SMOC1: variants seen among roughly 807,000 people sequenced by gnomAD.
SMOC1 encodes the protein SPARC-related modular calcium-binding protein 1.
In SMOC1, 22 loss-of-function variants were observed where a neutral mutation model predicts 56.3. That is an observed-to-expected ratio of 0.39 (90% confidence interval 0.28 to 0.56). The LOEUF (loss-of-function observed/expected upper bound fraction) is 0.56. Ranked by LOEUF, SMOC1 falls within the 20% of genes least tolerant of loss-of-function variation. The pLI is 0.61. For missense variants in SMOC1, 509 were observed against 565.4 expected, an observed-to-expected ratio of 0.90 and a Z score of 1.01; for synonymous variants, 193 against 215.0, an observed-to-expected ratio of 0.90 and a Z score of 0.89.
intron 3 of SMOC1, among the ~76,000 whole-genome samples, chr14:69,972,525 G>C (rs1445188755): frequency 6.6e-6 from 1 of 152,174 alleles, no homozygotes; most frequent in Non-Finnish European, 1.5e-5. Context: ...ATAGGACTTG[G>C]AAGGAGCTCC....
chr14:69,947,426 T>G (rs1882825936), intron 1 of SMOC1, among the ~76,000 whole-genome samples: 1 of 152,160 alleles, frequency 6.6e-6, no homozygotes, highest in Admixed American at 6.5e-5. Flanking sequence ...CTTCTTGACC[T>G]CCCAAAGTGC....
intron 3 of SMOC1, among the ~76,000 whole-genome samples, chr14:69,971,854 GT>G: frequency 6.6e-6 from 1 of 152,182 alleles, no homozygotes; most frequent in East Asian, 1.9e-4. Context: ...CTTTGCAAAC[GT>G]TTTGCTGACT....
intron 11 of SMOC1, among the ~76,000 whole-genome samples, chr14:70,029,870 C>A (rs1886074394): frequency 6.6e-6 from 1 of 152,186 alleles, no homozygotes; most frequent in South Asian, 2.1e-4. Context: ...TGTAAACAAA[C>A]CCCTGTCGTT....
At chr14:70,004,362 G>A (rs1349382760) in intron 7 of SMOC1, among the ~76,000 whole-genome samples, 2 of 152,254 alleles carry the variant, frequency 1.3e-5, no homozygotes, top group Non-Finnish European at 2.9e-5. Context: ...AGATATTGGT[G>A]TGAAGGTATT....
chr14:69,986,731 C>T (rs1884378727), intron 5 of SMOC1, among the ~76,000 whole-genome samples: 1 of 152,218 alleles, frequency 6.6e-6, no homozygotes, highest in African/African-American at 2.4e-5. Flanking sequence ...GCCTTTTCCC[C>T]AGCCTTCTGT....
chr14:69,983,458 GGA>G (rs1884252943), intron 5 of SMOC1, among the ~76,000 whole-genome samples: 1 of 152,162 alleles, frequency 6.6e-6, no homozygotes, highest in South Asian at 2.1e-4. Context: ...CTTTTATGAT[GGA>G]GGTTATTCAT....
chr14:70,004,695 T>C (rs550596734), intron 7 of SMOC1, among the ~76,000 whole-genome samples: 3 of 152,300 alleles, frequency 2.0e-5, no homozygotes, highest in Non-Finnish European at 4.4e-5. Flanking sequence ...TCACTCTCTC[T>C]CTCTCTCTTT....
At chr14:69,976,480 C>A (rs962115181) in intron 4 of SMOC1, among the ~76,000 whole-genome samples, 1 of 152,182 alleles carries the variant, frequency 6.6e-6, no homozygotes, top group Non-Finnish European at 1.5e-5. Context: ...GACAAGTTAG[C>A]AAACTATTGC....
chr14:69,908,515 C>T (rs755279412), intron 1 of SMOC1, among the ~76,000 whole-genome samples: 2 of 152,022 alleles, frequency 1.3e-5, no homozygotes, highest in South Asian at 2.1e-4. Context: ...AGTGGGAACA[C>T]GGACAGACTC....
At chr14:69,946,033 C>T (rs1428364391) in intron 1 of SMOC1, among the ~76,000 whole-genome samples, 1 of 152,194 alleles carries the variant, frequency 6.6e-6, no homozygotes, top group Non-Finnish European at 1.5e-5. Context: ...AACATCTCCT[C>T]CCAGATGGAA....
chr14:69,895,859 CT>C (rs1457479935), intron 1 of SMOC1, among the ~76,000 whole-genome samples: 3 of 118,274 alleles, frequency 2.5e-5, no homozygotes, highest in East Asian at 3.3e-4. Flanking sequence ...CCTTCCTTCT[CT>C]TTTTTTCTTT....
chr14:69,973,228 C>T (rs1325555454), intron 3 of SMOC1, among the ~76,000 whole-genome samples: 1 of 152,228 alleles, frequency 6.6e-6, no homozygotes, highest in Non-Finnish European at 1.5e-5. Context: ...GGAGATCTGG[C>T]CCTGGAAAAG....
chr14:70,023,577 T>C, intron 11 of SMOC1, 130 bp downstream of exon 11: 6 of 1,319,828 alleles, frequency 4.5e-6, no homozygotes, highest in Non-Finnish European at 5.4e-6. Flanking sequence ...AAGTGTGCTA[T>C]GCTTCATGCT....
At chr14:70,018,774 AG>A (rs1249812983) in intron 10 of SMOC1, among the ~76,000 whole-genome samples, 1 of 152,154 alleles carries the variant, frequency 6.6e-6, no homozygotes, top group Non-Finnish European at 1.5e-5. Flanking sequence ...TGGTCCCCTG[AG>A]GGGAGACTGT....
intron 5 of SMOC1, among the ~76,000 whole-genome samples, chr14:69,983,400 C>G (rs920496668): frequency 1.3e-5 from 2 of 152,210 alleles, no homozygotes; most frequent in African/African-American, 4.8e-5. Flanking sequence ...TATAACAGTA[C>G]GAGTCCAGGC....
At chr14:69,990,538 A>G (rs896847971) in intron 5 of SMOC1, among the ~76,000 whole-genome samples, 5 of 152,196 alleles carry the variant, frequency 3.3e-5, no homozygotes, top group African/African-American at 1.2e-4. Context: ...GCACAACCAA[A>G]TGTGCATTGC....
At chr14:69,970,194 G>C (rs1423481239) in intron 3 of SMOC1, among the ~76,000 whole-genome samples, 1 of 152,120 alleles carries the variant, frequency 6.6e-6, no homozygotes, top group Non-Finnish European at 1.5e-5. Flanking sequence ...CTGCTTCCCT[G>C]GTGGGCATAT....
chr14:69,929,562 G>A (rs1171202972), intron 1 of SMOC1, among the ~76,000 whole-genome samples: 1 of 152,152 alleles, frequency 6.6e-6, no homozygotes, highest in African/African-American at 2.4e-5. Flanking sequence ...CTGAGAAACC[G>A]AGTGCTTTCT....
chr14:69,921,320 A>T (rs1884835959), intron 1 of SMOC1, among the ~76,000 whole-genome samples: 1 of 152,170 alleles, frequency 6.6e-6, no homozygotes, highest in African/African-American at 2.4e-5. Flanking sequence ...CCAACCCCTT[A>T]TGTCTCACGC....
Sources: gnomAD v4.1 joint callset for allele counts (sites outside exome capture counted in the v4.1 genomes callset) on GRCh38, gnomAD v4.1.1 for gene constraint, MANE v1.5 for transcripts, NCBI Gene and HGNC (gene_info 2026-07-23, HGNC 2026-07-21) for gene names.